The following CSTPP1 variants were observed in gnomAD, a reference collection of about 807,000 sequenced individuals.
CSTPP1 encodes centriolar satellite-associated tubulin polyglutamylase complex regulator 1.
the CSTPP1 span, among the ~76,000 whole-genome samples, chr11:47,082,149 CAAAAA>C: frequency 1.2e-5 from 1 of 83,298 alleles, no homozygotes; most frequent in African/African-American, 5.0e-5. Flanking sequence ...GACCCTGTCT[CAAAAA>C]AAAAAAAAAA....
the CSTPP1 span, among the ~76,000 whole-genome samples, chr11:47,134,203 A>AT: frequency 8.6e-5 from 13 of 151,366 alleles, no homozygotes; most frequent in Admixed American, 5.3e-4. Flanking sequence ...TTTATTTTTT[A>AT]TTTTTTTGAG....
chr11:47,130,716 G>A, the CSTPP1 span: 2 of 152,302 alleles, frequency 1.3e-5, no homozygotes, highest in East Asian at 1.9e-4. Context: ...ACTCAGCTGT[G>A]GCCTGGTAAC....
At chr11:47,128,255 G>A in the CSTPP1 span, among the ~76,000 whole-genome samples, 1 of 152,166 alleles carries the variant, frequency 6.6e-6, no homozygotes, top group East Asian at 1.9e-4. Context: ...GAGCTCTAGA[G>A]TTTTAAGGTA....
At chr11:46,985,515 T>C in the CSTPP1 span, among the ~76,000 whole-genome samples, 1 of 152,190 alleles carries the variant, frequency 6.6e-6, no homozygotes, top group Non-Finnish European at 1.5e-5. Flanking sequence ...AAAGTATTTT[T>C]CTGAATTTTT....
chr11:47,102,898 C>T, the CSTPP1 span, among the ~76,000 whole-genome samples: 1 of 149,406 alleles, frequency 6.7e-6, no homozygotes, highest in Admixed American at 6.7e-5. Flanking sequence ...GTGGTTAAGC[C>T]TTTAAGGTAA....
chr11:47,139,980 C>T, the CSTPP1 span, among the ~76,000 whole-genome samples: 3 of 152,234 alleles, frequency 2.0e-5, no homozygotes, highest in East Asian at 1.9e-4. Flanking sequence ...AGAATCACCT[C>T]GCTCCTTTTG....
the CSTPP1 span, among the ~76,000 whole-genome samples, chr11:46,963,749 C>G: frequency 6.7e-6 from 1 of 149,586 alleles, no homozygotes; most frequent in African/African-American, 2.5e-5. Context: ...CACGCCATTG[C>G]ACTCCATCCT....
At chr11:47,040,536 T>A in the CSTPP1 span, among the ~76,000 whole-genome samples, 1 of 125,948 alleles carries the variant, frequency 7.9e-6, no homozygotes, top group African/African-American at 2.5e-5. Context: ...ATAAGGTTTT[T>A]TGAGGGGATT....
At chr11:46,980,494 A>C in the CSTPP1 span, among the ~76,000 whole-genome samples, 3 of 152,202 alleles carry the variant, frequency 2.0e-5, no homozygotes, top group African/African-American at 4.8e-5. Context: ...TCTGTTTGAT[A>C]CATGTCATAC....
chr11:47,036,262 AATAT>A, the CSTPP1 span, among the ~76,000 whole-genome samples: 1 of 65,308 alleles, frequency 1.5e-5, no homozygotes, highest in African/African-American at 4.8e-5. Flanking sequence ...TATATTATAT[AATAT>A]ATATATTATA....
the CSTPP1 span, among the ~76,000 whole-genome samples, chr11:47,068,634 A>G: frequency 6.6e-6 from 1 of 152,056 alleles, no homozygotes; most frequent in Admixed American, 6.6e-5. Flanking sequence ...TACTCCTTGA[A>G]TTTTTTTCTG....
At chr11:46,973,807 T>C in the CSTPP1 span, among the ~76,000 whole-genome samples, 2 of 152,020 alleles carry the variant, frequency 1.3e-5, no homozygotes, top group Non-Finnish European at 2.9e-5. Flanking sequence ...TGTCTGTGTG[T>C]GTCTGTGTGT....
chr11:47,076,388 A>G, the CSTPP1 span, among the ~76,000 whole-genome samples: 1 of 152,226 alleles, frequency 6.6e-6, no homozygotes, highest in African/African-American at 2.4e-5. Flanking sequence ...GTTTCCGCCC[A>G]TTCATTCTAC....
chr11:47,093,455 T>G, the CSTPP1 span, among the ~76,000 whole-genome samples: 1 of 152,258 alleles, frequency 6.6e-6, no homozygotes, highest in African/African-American at 2.4e-5. Flanking sequence ...TGCCAGGCAC[T>G]GTTTTGGTGC....
At chr11:47,109,840 T>A in the CSTPP1 span, among the ~76,000 whole-genome samples, 1 of 152,224 alleles carries the variant, frequency 6.6e-6, no homozygotes, top group Non-Finnish European at 1.5e-5. Flanking sequence ...TAGAGCAATT[T>A]CTTTAACATG....
chr11:46,946,147 C>T, the CSTPP1 span, among the ~76,000 whole-genome samples: 2 of 152,222 alleles, frequency 1.3e-5, no homozygotes, highest in Non-Finnish European at 2.9e-5. Flanking sequence ...CTCCATTTCT[C>T]CAAAGTAAAT....
chr11:47,064,702 G>C, the CSTPP1 span, among the ~76,000 whole-genome samples: 1 of 152,008 alleles, frequency 6.6e-6, no homozygotes, highest in Non-Finnish European at 1.5e-5. Flanking sequence ...GATTACTGTG[G>C]CTTTGTAATA....
chr11:47,001,653 T>A, the CSTPP1 span, among the ~76,000 whole-genome samples: 4 of 152,186 alleles, frequency 2.6e-5, no homozygotes, highest in African/African-American at 9.7e-5. Context: ...TTATAAAATA[T>A]GTATCATTTC....
the CSTPP1 span, among the ~76,000 whole-genome samples, chr11:46,972,006 C>CA: frequency 6.6e-6 from 1 of 152,048 alleles, no homozygotes; most frequent in East Asian, 1.9e-4. Flanking sequence ...TTTATAATGT[C>CA]AAAAAAATGA....
Sources: allele counts gnomAD v4.1 joint callset (sites outside exome capture counted in the v4.1 genomes callset), GRCh38; gene constraint gnomAD v4.1.1; transcripts MANE v1.5; gene names NCBI Gene and HGNC (gene_info 2026-07-23, HGNC 2026-07-21).